Variants in ATF1 observed in about 807,000 individuals in gnomAD.
ATF1 encodes activating transcription factor 1.
In ATF1, 16 loss-of-function variants were observed where a neutral mutation model predicts 34.7. The ratio of observed to expected loss-of-function variants is 0.46; its 90% CI spans 0.31 to 0.70. The LOEUF (loss-of-function observed/expected upper bound fraction) is 0.70. ATF1 is among the 30% of genes least tolerant of loss of function. ATF1 has a pLI of 0.05. For missense variants in ATF1, 255 were observed against 321.6 expected (o/e 0.79, Z 1.58); for synonymous variants, 105 against 113.1 (o/e 0.93, Z 0.46).
intron 2 of ATF1, among the ~76,000 whole-genome samples, chr12:50,791,517 T>C (rs187568728): frequency 9.9e-5 from 15 of 152,060 alleles, no homozygotes; most frequent in Middle Eastern, 3.4e-3. Flanking sequence ...ATCGTGCTAC[T>C]TCACTTCAGC....
chr12:50,789,704 G>A (rs1240409688), intron 2 of ATF1, among the ~76,000 whole-genome samples: 4 of 152,106 alleles, frequency 2.6e-5, no homozygotes, highest in South Asian at 4.2e-4. Context: ...GCAGGGAGCC[G>A]AGATTGTGCC....
At chr12:50,780,334 G>T in intron 2 of ATF1, 96 bp downstream of exon 2, 7 of 1,225,296 alleles carry the variant, frequency 5.7e-6, no homozygotes, top group East Asian at 2.6e-5. Context: ...GTTTTATTTT[G>T]GTTTTTGTTT....
intron 2 of ATF1, among the ~76,000 whole-genome samples, chr12:50,782,817 G>A (rs1204919904): frequency 1.3e-5 from 2 of 151,356 alleles, no homozygotes; most frequent in Non-Finnish European, 2.9e-5. Context: ...ACCCTCCCGA[G>A]TAGCTGGGAA....
chr12:50,774,344 C>A (rs1940857564), intron 1 of ATF1, among the ~76,000 whole-genome samples: 2 of 151,974 alleles, frequency 1.3e-5, no homozygotes, highest in Admixed American at 6.6e-5. Context: ...TGCAAGTTTT[C>A]TTAAAAGGGC....
intron 2 of ATF1, among the ~76,000 whole-genome samples, chr12:50,782,743 G>A (rs541576838): frequency 1.4e-3 from 196 of 142,784 alleles, no homozygotes; most frequent in African/African-American, 5.0e-3. Flanking sequence ...AGACTGGAGT[G>A]CAGTGGTGCG....
chr12:50,785,280 TACATACACACACAC>T lies in ATF1; in HGVS notation c.93+5046_93+5059del, dbSNP rs60971971. Among the ~76,000 whole-genome samples the T allele has an allele frequency of 2.8e-3, 243 of 86,200 alleles. 2 individuals are homozygous for T. The highest frequency in any genetic ancestry group is 0.01 in the African/African-American group (229 of 22,368). The allele number at this position is 86,200 out of a possible 152,430, so 56.6% of individuals were successfully genotyped here. A position where few individuals can be genotyped will look rare whatever the true frequency, so the allele number is the denominator to read the frequency against. ...CATCTCAAAAAAAAAATTATATATA[TACATACACACACAC>T]ACACACACACACACACACACACACA... On this transcript the variant is annotated intron_variant, in intron 2 of 6. Transcript: ENST00000262053.
intron 3 of ATF1, among the ~76,000 whole-genome samples, chr12:50,796,991 A>C (rs1034651476): frequency 6.6e-6 from 1 of 152,210 alleles, no homozygotes; most frequent in Non-Finnish European, 1.5e-5. Flanking sequence ...CTGGGAAAAA[A>C]TTATTTGCAA....
chr12:50,813,916 G>GT (rs1375767923), intron 4 of ATF1, 94 bp from the exon 5 acceptor site: 2 of 1,258,842 alleles, frequency 1.6e-6, no homozygotes, highest in Non-Finnish European at 2.2e-6. Context: ...ATTCATACCT[G>GT]TTTTAGTAAA....
intron 3 of ATF1, 75 bp from the exon 4 acceptor site, chr12:50,809,373 CAAAAAAAA>C (rs56060219): frequency 5.3e-6 from 4 of 758,204 alleles, no homozygotes; most frequent in Admixed American, 8.3e-5. Flanking sequence ...GATCTTGTCT[CAAAAAAAA>C]AAAAAAAAAA....
intron 4 of ATF1, among the ~76,000 whole-genome samples, chr12:50,813,234 G>C (rs1360014175): frequency 1.3e-5 from 2 of 152,252 alleles, no homozygotes; most frequent in East Asian, 3.9e-4. Context: ...ATCTTTATTA[G>C]TGATTTTCAC....
At chr12:50,776,135 ACCCC>A (rs1940915595) in intron 1 of ATF1, among the ~76,000 whole-genome samples, 2 of 151,830 alleles carry the variant, frequency 1.3e-5, no homozygotes, top group African/African-American at 4.8e-5. Context: ...ACACAGTGAA[ACCCC>A]GTCTTTACTA....
intron 6 of ATF1, among the ~76,000 whole-genome samples, chr12:50,815,247 C>A (rs1164608728): frequency 6.6e-6 from 1 of 152,070 alleles, no homozygotes; most frequent in African/African-American, 2.4e-5. Flanking sequence ...TAAAGACCTT[C>A]CAGTGGGATA....
At chr12:50,789,018 G>A (rs1218912370) in intron 2 of ATF1, among the ~76,000 whole-genome samples, 3 of 152,010 alleles carry the variant, frequency 2.0e-5, no homozygotes, top group African/African-American at 4.8e-5. Context: ...TCAGGCATGC[G>A]TTACAGTGCT....
intron 2 of ATF1, among the ~76,000 whole-genome samples, chr12:50,781,704 G>A (rs1460983393): frequency 6.6e-6 from 1 of 152,048 alleles, no homozygotes; most frequent in Non-Finnish European, 1.5e-5. Context: ...ACCCACCTCA[G>A]CCTCCCAAAA....
At chr12:50,782,449 G>A (rs1447247704) in intron 2 of ATF1, among the ~76,000 whole-genome samples, 2 of 151,220 alleles carry the variant, frequency 1.3e-5, no homozygotes, top group Non-Finnish European at 2.9e-5. Flanking sequence ...TAGAGACAGG[G>A]TTTCATCGTG....
intron 4 of ATF1, among the ~76,000 whole-genome samples, chr12:50,813,424 C>T (rs1941777846): frequency 6.6e-6 from 1 of 152,102 alleles, no homozygotes; most frequent in Non-Finnish European, 1.5e-5. Flanking sequence ...AGCATGTTAT[C>T]TATTCAGAAA....
rs564265317 is a variant in ATF1 at position 50,814,319 on chromosome 12, C to T, written c.551C>T (p.Thr184Ile). ...ATGCAAACATATCAGATCCGAACTA[C>T]ACCTTCAGCTACTTCTCTGCCACAA... ...GDMQTYQIRT[T>I]PSATSLPQTV... The change falls in exon 6 of 7, where the codon ACA becomes ATA. Residue 184 changes from threonine to isoleucine, a missense_variant. Thr to Ile is a moderately conservative substitution (Grantham distance 89). Transcript: ENST00000262053. 2.5e-6 allele frequency: 4 copies of T among 1,614,230 alleles called. No homozygotes were observed. In the East Asian group the frequency reaches 6.7e-5, roughly 27 times the overall value.
In ATF1 at chr12:50,776,510, A is replaced by G. The variant is rs201675814; in HGVS notation, c.-6-3630A>G. On this transcript the variant is annotated intron_variant, in intron 1 of 6. Coordinates refer to ENST00000262053, the MANE Select transcript of ATF1 (RefSeq NM_005171.5). ...CCTGTCTTTAAAAAAAAAAAAAAAA[A>G]AAGAAGGAAAACACTTGAGACTCTG... Among the ~76,000 whole-genome samples, 137 of 150,692 alleles carry G rather than the reference A, an allele frequency of 9.1e-4. 1 individual carries two copies. In the East Asian group the frequency reaches 0.02, roughly 22 times the overall value.
chr12:50,804,644 A>G (rs1345254031), intron 3 of ATF1, among the ~76,000 whole-genome samples: 3 of 152,164 alleles, frequency 2.0e-5, no homozygotes, highest in African/African-American at 4.8e-5. Flanking sequence ...GCAAGACCCT[A>G]TCTCTAAAAA....
Sources: gnomAD v4.1 joint callset for allele counts (sites outside exome capture counted in the v4.1 genomes callset) on GRCh38, gnomAD v4.1.1 for gene constraint, MANE v1.5 for transcripts, NCBI Gene and HGNC (gene_info 2026-07-23, HGNC 2026-07-21) for gene names.